The following PRKCZ variants were observed in gnomAD, a reference collection of about 807,000 sequenced individuals.
PRKCZ encodes the protein protein kinase C zeta.
Under a neutral mutation model 79.5 loss-of-function variants are expected in PRKCZ, and 33 were observed. That is an observed-to-expected ratio of 0.41 (90% CI 0.31 to 0.55). The LOEUF is 0.55. Among genes scored for constraint, PRKCZ ranks in the 20% least tolerant of loss-of-function variants. The pLI, the probability that PRKCZ is intolerant of heterozygous loss-of-function variation, is 0.19. For missense variants in PRKCZ, 578 were observed against 813.5 expected (o/e 0.71, Z 3.52); for synonymous variants, 342 against 320.9 (o/e 1.07, Z -0.70).
chr1:2,144,716 C>G, intron 6 of PRKCZ: 1 of 879,522 alleles, frequency 1.1e-6, no homozygotes, highest in Non-Finnish European at 1.4e-6. Context: ...GCTGAGGCTC[C>G]GAACATCTGG....
chr1:2,056,364 G>T (rs2803309), intron 2 of PRKCZ, 120 bp from the exon 3 acceptor site: 1 of 892,064 alleles, frequency 1.1e-6, no homozygotes, highest in Non-Finnish European at 1.7e-6. Context: ...GAGGTGGCCA[G>T]TCTGAGCATC....
At chr1:2,105,423 A>G (rs1197645105) in intron 4 of PRKCZ, among the ~76,000 whole-genome samples, 1 of 152,042 alleles carries the variant, frequency 6.6e-6, no homozygotes, top group Non-Finnish European at 1.5e-5. Context: ...ATTTTTTGAG[A>G]CAGTCTCACT....
rs56963115 is a variant in PRKCZ at position 2,062,785 on chromosome 1, T to G, written c.334+3194T>G. Reference sequence around the variant, plus strand: ...TTATAGATGTGAGCCACCGAGCCTGTCCCCATCTTAGCCATTAAAATTTAA... The same window carrying G: ...TTATAGATGTGAGCCACCGAGCCTGGCCCCATCTTAGCCATTAAAATTTAA... On this transcript the variant is annotated intron_variant, in intron 4 of 17. Transcript: ENST00000378567. Among the ~76,000 whole-genome samples, 1,640 of 152,084 alleles carry G rather than the reference T, an allele frequency of 0.011. 137 individuals are homozygous for G. In the East Asian group the frequency reaches 0.21, roughly 19 times the overall value.
intron 4 of PRKCZ, among the ~76,000 whole-genome samples, chr1:2,120,832 T>C (rs1198484942): frequency 7.4e-6 from 1 of 135,268 alleles, no homozygotes; most frequent in African/African-American, 2.8e-5. Flanking sequence ...AGAATTTCCA[T>C]TTGATTCTTT....
At chr1:2,077,141 G>T (rs1269493878) in intron 4 of PRKCZ, among the ~76,000 whole-genome samples, 4 of 152,212 alleles carry the variant, frequency 2.6e-5, no homozygotes, top group Non-Finnish European at 5.9e-5. Context: ...CACGTCTGAC[G>T]GGTGTGAGGG....
At position 2,155,358 on chromosome 1, in the gene PRKCZ, GTGA is replaced by G. The variant is rs536924316; in HGVS notation, c.877-631_877-629del. Among the ~76,000 whole-genome samples, 331 of 151,892 alleles carry G rather than the reference GTGA, an allele frequency of 2.2e-3. 1 individual carries two copies. The highest frequency in any genetic ancestry group is 6.9e-3 in the South Asian group (33 of 4,808). ...GGTGATGACAATGGTGGTGATGACG[GTGA>G]TGATGGTGATGACAGTGGTGATGAT... On this transcript the variant is annotated intron_variant, in intron 9 of 17. Transcript: ENST00000378567.
Position 2,060,101 on chromosome 1 carries a change from A to G in PRKCZ, c.334+510A>G, listed in dbSNP as rs997652924. Among the ~76,000 whole-genome samples the G allele has an allele frequency of 3.9e-5, 6 of 152,128 alleles. No individual in the cohort carries two copies. The East Asian group carries it at 1.2e-3, about 29-fold the overall frequency. On this transcript the variant is annotated intron_variant, in intron 4 of 17. Transcript: ENST00000378567. ...GCATCCCGGAGACTGTTGGGCCCTG[A>G]GCAGGTGGCTACGCTGCTCTCGGGC...
At chr1:2,105,015 C>T (rs932541965) in intron 4 of PRKCZ, 40 of 731,690 alleles carry the variant, frequency 5.5e-5, no homozygotes, top group Non-Finnish European at 6.7e-5. Context: ...TGTGACAGCT[C>T]CCCTGTGAGT....
intron 4 of PRKCZ, among the ~76,000 whole-genome samples, chr1:2,066,392 G>A (rs561567478): frequency 6.6e-6 from 1 of 152,344 alleles, no homozygotes; most frequent in South Asian, 2.1e-4. Flanking sequence ...CTGATGGAGA[G>A]AGTGCAGTGG....
rs138072298 is a variant in PRKCZ at position 2,165,666 on chromosome 1, C to T, written c.975-3852C>T. Among the ~76,000 whole-genome samples, 10 of 152,306 alleles carry T rather than the reference C, an allele frequency of 6.6e-5. No individual in the cohort carries two copies. Among genetic ancestry groups the T allele is most frequent in the African/African-American group, 1.4e-4 (6 of 41,566 alleles). On this transcript the variant is annotated intron_variant, in intron 10 of 17. Transcript: ENST00000378567. The surrounding 1 kb of genome is among the most constrained non-coding windows in gnomAD (Gnocchi z 4.1). ...GCCTTAGACACTGCGTGAAGGGACGCGTGTGGCCGTGTTCCACCAGAACTT... is the reference window on the plus strand; with the variant it reads ...GCCTTAGACACTGCGTGAAGGGACGTGTGTGGCCGTGTTCCACCAGAACTT...
chr1:2,185,282 G>T lies in PRKCZ; in HGVS notation c.*273G>T, dbSNP rs1687416353. ...GGGACCCTGCCGAGGGGGCTGTCAT[G>T]CGGTTTCCAAGGTGCACATTTTCCA... On this transcript the variant is annotated 3_prime_UTR_variant, in exon 18 of 18. Transcript: ENST00000378567. The T allele has an allele frequency of 4.2e-6, 3 of 717,730 alleles. No homozygotes were observed. Among genetic ancestry groups the T allele is most frequent in the Non-Finnish European group, 7.8e-6 (3 of 384,654 alleles). 44.5% of individuals were successfully genotyped at this position (717,730 alleles called of 1,614,324 possible).
At position 2,172,252 on chromosome 1, in the gene PRKCZ, G is replaced by A. The variant is rs780392749; in HGVS notation, c.1198-49G>A. The A allele has an allele frequency of 4.3e-5, 70 of 1,613,220 alleles. 3 individuals carry two copies. The highest frequency in any genetic ancestry group is 3.5e-4 in the South Asian group (32 of 91,070). On this transcript the variant is annotated intron_variant, in intron 12 of 17. Coordinates refer to ENST00000378567, the MANE Select transcript of PRKCZ (RefSeq NM_002744.6). The surrounding 1 kb of genome is among the most constrained non-coding windows in gnomAD (Gnocchi z 7.8). ...ATGTGCGTCTCGGGGCGCCTGTCCC[G>A]CGGGGTAGTGTCTACAAGAACCCTC...
At chr1:2,135,467 G>A in intron 5 of PRKCZ, 120 bp downstream of exon 5, 1 of 895,204 alleles carries the variant, frequency 1.1e-6, no homozygotes, top group Non-Finnish European at 1.7e-6. Flanking sequence ...GCGCCCGAGG[G>A]CAAGGTTACA....
intron 1 of PRKCZ, among the ~76,000 whole-genome samples, chr1:2,052,004 C>G (rs1404125210): frequency 6.6e-6 from 1 of 152,160 alleles, no homozygotes; most frequent in Non-Finnish European, 1.5e-5. Flanking sequence ...GCAGCCATGT[C>G]TTTTGGCCTG....
At position 2,125,831 on chromosome 1, in the gene PRKCZ, C is replaced by A. The variant is rs553205765; in HGVS notation, c.335-9431C>A. Among the ~76,000 whole-genome samples, 1 of 152,230 alleles carries A rather than the reference C, an allele frequency of 6.6e-6. No individual in the cohort carries two copies. Among genetic ancestry groups the A allele is most frequent in the Non-Finnish European group, 1.5e-5 (1 of 68,036 alleles). On this transcript the variant is annotated intron_variant, in intron 4 of 17. Coordinates refer to ENST00000378567, the MANE Select transcript of PRKCZ (RefSeq NM_002744.6). The surrounding 1 kb of genome is among the most constrained non-coding windows in gnomAD (Gnocchi z 4.2). ...ACGCATCCTAGCCACGGCCTCCTCA[C>A]GTCCATGCGGGGATTTGCGCCCTGG...
Position 2,149,886 on chromosome 1 carries a change from C to T in PRKCZ, c.688-904C>T, listed in dbSNP as rs1164746093. On this transcript the variant is annotated intron_variant, in intron 8 of 17. Transcript: ENST00000378567. This position sits in a 1 kb window ranked among gnomAD's most constrained non-coding sequence, Gnocchi z 4.1. Reference sequence around the variant, plus strand: ...AAAAAAAGCAGAATCCGGCTGGGCGCGGTGGCTCACGCCTGTAATCCCAGC... The same window carrying T: ...AAAAAAAGCAGAATCCGGCTGGGCGTGGTGGCTCACGCCTGTAATCCCAGC... 1.3e-5 allele frequency among the ~76,000 whole-genome samples: 2 copies of T among 149,620 alleles called. No individual in the cohort carries two copies. Among genetic ancestry groups the T allele is most frequent in the Non-Finnish European group, 3.0e-5 (2 of 67,630 alleles).
Position 2,184,598 on chromosome 1 carries a change from G to A in PRKCZ, c.1591G>A (p.Ala531Thr). ...IDWDLLEKKQALPPFQPQITD... is the reference protein window; with the variant it reads ...IDWDLLEKKQTLPPFQPQITD... ...TTTTTCCAAGCTGGAGAAGAAGCAG[G>A]CGCTCCCTCCATTCCAGCCACAGAT... The change falls in exon 17 of 18, where the codon GCG (alanine) becomes ACG (threonine). Residue 531 changes from alanine (A) to threonine (T), a missense_variant. Ala to Thr is a moderately conservative substitution (Grantham distance 58). This residue lies in a region of PRKCZ where 243 missense variants were observed against 467.0 expected (regional missense o/e 0.52). Coordinates refer to ENST00000378567, the MANE Select transcript of PRKCZ (RefSeq NM_002744.6). 1.2e-6 allele frequency: 2 copies of A among 1,613,862 alleles called. No homozygotes were observed. Among genetic ancestry groups the A allele is most frequent in the Non-Finnish European group, 1.7e-6 (2 of 1,179,944 alleles).
At chr1:2,071,793 A>G (rs1181642382) in intron 4 of PRKCZ, among the ~76,000 whole-genome samples, 2 of 152,126 alleles carry the variant, frequency 1.3e-5, no homozygotes, top group African/African-American at 4.8e-5. Flanking sequence ...TGGCCATGGT[A>G]TTCGGTGGTC....
intron 9 of PRKCZ, among the ~76,000 whole-genome samples, chr1:2,153,317 C>T (rs1049136119): frequency 1.5e-4 from 23 of 152,250 alleles, no homozygotes; most frequent in African/African-American, 5.3e-4. Context: ...AAAAGGCCAA[C>T]GTGTGGGTGG....
Sources: allele counts gnomAD v4.1 joint callset (sites outside exome capture counted in the v4.1 genomes callset), GRCh38; gene constraint gnomAD v4.1.1; regional missense constraint gnomAD v4.1.1; non-coding constraint Gnocchi (gnomAD v3.1); transcripts MANE v1.5; gene names NCBI Gene and HGNC (gene_info 2026-07-23, HGNC 2026-07-21).